Variants in TBC1D17 observed in about 807,000 individuals in gnomAD.
TBC1D17 encodes TBC1 domain family, member 17.
TBC1D17 carries 69 observed loss-of-function variants against 78.8 expected under a neutral mutation model. The ratio of observed to expected loss-of-function variants is 0.88; its 90% confidence interval spans 0.72 to 1.07. The LOEUF is 1.07. TBC1D17 is among the 50% of genes least tolerant of loss of function. The pLI, the probability that TBC1D17 is intolerant of heterozygous loss-of-function variation, is 0.00. For synonymous variants in TBC1D17, 456 were observed against 358.3 expected (o/e 1.27, Z -3.08); for missense variants, 957 against 861.0 (o/e 1.11, Z -1.39).
intron 3 of TBC1D17, among the ~76,000 whole-genome samples, chr19:49,879,665 G>A (rs1182169960): frequency 1.4e-5 from 2 of 142,268 alleles, no homozygotes; most frequent in African/African-American, 2.6e-5. Flanking sequence ...GTATCTTATT[G>A]TGGTTTTGGT....
intron 13 of TBC1D17, among the ~76,000 whole-genome samples, chr19:49,885,974 CAAAAAAAAAAA>C (rs972298479): frequency 2.3e-5 from 1 of 43,540 alleles, no homozygotes; most frequent in African/African-American, 9.3e-5. Context: ...GACCTTGCCT[CAAAAAAAAAAA>C]AAAAAAAAAA....
rs1372477243 is a variant in TBC1D17 at position 49,884,454 on chromosome 19, C to T, written c.1244-5C>T. On this transcript the variant is annotated splice_polypyrimidine_tract_variant and splice_region_variant and intron_variant, in intron 11 of 16. Transcript: ENST00000221543. ...TGGCTGCAGCCTGACCCCATGTCCC[C>T]CCAGGCTACGTCCAGGGCATGAGTG... is the stretch of plus-strand genomic sequence containing the variant. 10 of 1,613,972 alleles carry T rather than the reference C, an allele frequency of 6.2e-6. No individual in the cohort carries two copies. The highest frequency in any genetic ancestry group is 5.9e-6 in the Non-Finnish European group (7 of 1,179,992).
chr19:49,887,913 G>T, intron 15 of TBC1D17, 79 bp downstream of exon 15: 1 of 1,222,866 alleles, frequency 8.2e-7, no homozygotes, highest in Non-Finnish European at 1.1e-6. Context: ...CGGGGAGCAG[G>T]TGTTTAGTGT....
chr19:49,886,023 G>A (rs1183351565), intron 13 of TBC1D17, among the ~76,000 whole-genome samples: 1 of 144,414 alleles, frequency 6.9e-6, no homozygotes, highest in Non-Finnish European at 1.5e-5. Context: ...GCTCACGCCT[G>A]TAATCCAGCA....
chr19:49,881,856 C>T (rs2075016884), intron 5 of TBC1D17, among the ~76,000 whole-genome samples, 185 bp from the exon 6 acceptor site: 1 of 152,126 alleles, frequency 6.6e-6, no homozygotes. Context: ...ATTGGCCAGC[C>T]CCGAGTCATG....
At chr19:49,886,010 G>A (rs2075056036) in intron 13 of TBC1D17, among the ~76,000 whole-genome samples, 1 of 149,106 alleles carries the variant, frequency 6.7e-6, no homozygotes, top group Non-Finnish European at 1.5e-5. Context: ...GTCGGGTGTG[G>A]TGGCTCACGC....
chr19:49,881,806 C>G (rs902174838), intron 5 of TBC1D17, among the ~76,000 whole-genome samples: 38 of 152,184 alleles, frequency 2.5e-4, no homozygotes, highest in African/African-American at 8.9e-4. Context: ...TTGGCTCGTC[C>G]CTGAGTCAGT....
At chr19:49,885,974 C>CAAAAAA (rs972298479) in intron 13 of TBC1D17, among the ~76,000 whole-genome samples, 1 of 43,532 alleles carries the variant, frequency 2.3e-5, no homozygotes, top group African/African-American at 9.3e-5. Flanking sequence ...GACCTTGCCT[C>CAAAAAA]AAAAAAAAAA....
At chr19:49,878,282 G>A (rs1324642373) in intron 2 of TBC1D17, 41 bp downstream of exon 2, 1 of 1,530,448 alleles carries the variant, frequency 6.5e-7, no homozygotes, top group Non-Finnish European at 8.9e-7. Flanking sequence ...GCTCCGAGCG[G>A]GATGCAGGCG....
Position 49,884,736 on chromosome 19 carries a change from C to G in TBC1D17, c.1422C>G (p.Asp474Glu). The change falls in exon 13 of 17, where the codon GAC becomes GAG. Residue 474 changes from aspartate (D) to glutamate (E), a missense_variant. Physicochemically the swap from Asp to Glu is conservative, Grantham distance 45 (BLOSUM62 2). Transcript: ENST00000221543. ...TGCTGCTGCTCCTGAGGGTGCTGGA[C>G]CCCCTGCTCTGCGACTTCCTGGGTA... Reference protein sequence around the residue: ...GRLLLLLRVLDPLLCDFLDSQ... With the variant: ...GRLLLLLRVLEPLLCDFLDSQ... 6.2e-7 allele frequency: 1 copy of G among 1,613,902 alleles called. No homozygotes were observed. The highest frequency in any genetic ancestry group is 8.5e-7 in the Non-Finnish European group (1 of 1,179,996).
intron 3 of TBC1D17, chr19:49,878,853 A>G: frequency 4.6e-6 from 2 of 430,460 alleles, no homozygotes; most frequent in South Asian, 3.3e-5. Context: ...AGGGTGCAAG[A>G]TGTGGATTCG....
At position 49,882,889 on chromosome 19, in the gene TBC1D17, G is replaced by C. The variant is rs552952128; in HGVS notation, c.924G>C (p.Ser308=). Residue 308 remains serine (S), a synonymous_variant, in exon 8 of 17, where the codon TCG becomes TCC. Transcript: ENST00000221543. ...CTGAGCTGAAGAACCGGATCTTCTCGGGGGTGAGTGCCAGGACAGGTGGAA... is the reference window on the plus strand; with the variant it reads ...CTGAGCTGAAGAACCGGATCTTCTCCGGGGTGAGTGCCAGGACAGGTGGAA... ...QVPELKNRIF[S]GGLSPSLRRE... is the part of the protein sequence containing the mutation. 8.1e-6 allele frequency: 13 copies of C among 1,605,866 alleles called. No homozygotes were observed. The Middle Eastern group carries it at 8.3e-4, about 103-fold the overall frequency.
chr19:49,882,304 C>T lies in TBC1D17; in HGVS notation c.702C>T (p.Phe234=). 6.2e-7 allele frequency: 1 copy of T among 1,612,062 alleles called. No individual in the cohort carries two copies. Among genetic ancestry groups the T allele is most frequent in the Non-Finnish European group, 8.5e-7 (1 of 1,179,998 alleles). The change falls in exon 7 of 17, where the codon TTC becomes TTT. Residue 234 remains phenylalanine (F), a synonymous_variant. Transcript: ENST00000221543. ...GCTTCTCCCGAGTGACCAACTTCTTCCGGGGTGCCCTGCAGCCACAGCCTG... is the reference window on the plus strand; with the variant it reads ...GCTTCTCCCGAGTGACCAACTTCTTTCGGGGTGCCCTGCAGCCACAGCCTG... ...FSSFSRVTNF[F]RGALQPQPEG...
intron 4 of TBC1D17, 75 bp downstream of exon 4, chr19:49,880,477 C>A: frequency 6.4e-7 from 1 of 1,553,000 alleles, no homozygotes; most frequent in Non-Finnish European, 8.7e-7. Flanking sequence ...TGGTCACGGT[C>A]CCAAGGGCTT....
intron 7 of TBC1D17, 81 bp from the exon 8 acceptor site, chr19:49,882,683 C>G (rs956520159): frequency 4.1e-6 from 6 of 1,448,582 alleles, no homozygotes; most frequent in Non-Finnish European, 5.5e-6. Flanking sequence ...CTAATAAGCT[C>G]TCTGAGCTTG....
chr19:49,882,931 G>T, intron 8 of TBC1D17, 39 bp downstream of exon 8: 1 of 1,598,594 alleles, frequency 6.3e-7, no homozygotes, highest in South Asian at 1.1e-5. Flanking sequence ...GGCAGGGCCA[G>T]AACAAGGCCC....
chr19:49,882,086 C>G lies in TBC1D17; in HGVS notation c.573C>G (p.Ser191=). The G allele has an allele frequency of 6.2e-7, 1 of 1,614,184 alleles. No homozygotes were observed. The highest frequency in any genetic ancestry group is 8.5e-7 in the Non-Finnish European group (1 of 1,180,022). The change falls in exon 6 of 17, where the codon TCC becomes TCG. Residue 191 remains serine (S), a synonymous_variant. Transcript: ENST00000221543. ...SRLYLVFPHD[S]SALSNSFHHL... ...TCTACCTTGTCTTCCCCCACGACTC[C>G]TCTGCTCTCTCCAACTCCTTCCACC...
chr19:49,880,223 C>T (rs763262066), intron 3 of TBC1D17, 56 bp from the exon 4 acceptor site: 20 of 1,597,752 alleles, frequency 1.3e-5, no homozygotes, highest in Non-Finnish European at 1.5e-5. Flanking sequence ...AGGGTAGCCT[C>T]GAGGCTAAGA....
intron 7 of TBC1D17, 116 bp downstream of exon 7, chr19:49,882,516 C>T (rs1298440002): frequency 2.9e-5 from 42 of 1,460,448 alleles, no homozygotes; most frequent in South Asian, 4.0e-5. Context: ...AATGGGACAC[C>T]CTCAGGGGGT....
Sources: gnomAD v4.1 joint callset for allele counts (sites outside exome capture counted in the v4.1 genomes callset) on GRCh38, gnomAD v4.1.1 for gene constraint, MANE v1.5 for transcripts, NCBI Gene and HGNC (gene_info 2026-07-23, HGNC 2026-07-21) for gene names.